Variants in NEK4 observed in about 807,000 individuals in gnomAD.
NEK4 encodes serine/threonine-protein kinase Nek4.
NEK4 carries 86 observed loss-of-function variants against 98.4 expected under a neutral mutation model. The ratio of observed to expected loss-of-function variants is 0.87; its 90% confidence interval spans 0.73 to 1.05. The LOEUF (loss-of-function observed/expected upper bound fraction) is 1.05. Among genes scored for constraint, NEK4 ranks in the 50% least tolerant of loss-of-function variants. NEK4 has a pLI of 0.00. For synonymous variants in NEK4, 328 were observed against 342.2 expected, an observed-to-expected ratio of 0.96 and a Z score of 0.46; for missense variants, 898 against 950.3, an observed-to-expected ratio of 0.94 and a Z score of 0.72.
intron 13 of NEK4, among the ~76,000 whole-genome samples, chr3:52,741,031 G>A (rs1445653527): frequency 1.3e-5 from 2 of 151,616 alleles, no homozygotes; most frequent in Non-Finnish European, 2.9e-5. Context: ...TCAGGAGATC[G>A]AGACCATCCT....
At position 52,770,660 on chromosome 3, in the gene NEK4, G is replaced by C. The variant is rs755365648; in HGVS notation, c.87C>G (p.Gly29=). ...GGGCCCCACCCCTGCAGACCTGCTT[G>C]CCGTCCCGCCGGTGCTTCACAAGCG... ...EVTLVKHRRD[G]KQYVIKKLNL... The change falls in exon 1 of 16, where the codon GGC becomes GGG. Residue 29 remains glycine (G), a synonymous_variant. Transcript: ENST00000233027. 4 of 1,504,296 alleles carry C rather than the reference G, an allele frequency of 2.7e-6. No homozygotes were observed. In the African/African-American group the frequency reaches 4.2e-5, roughly 16 times the overall value. The allele number at this position is 1,504,296 out of a possible 1,614,324, so 93.2% of individuals were successfully genotyped here.
rs763964730 is a variant in NEK4, at chr3:52,746,168, C to CA, written c.1719dup (p.Val574CysfsTer14). On this transcript the variant is annotated frameshift_variant, in exon 10 of 16. Coordinates refer to ENST00000233027, the MANE Select transcript of NEK4 (RefSeq NM_003157.6). LOFTEE classifies it high-confidence loss of function. ...GTTGATGTGACATCCACTTTCCCAA[C>CA]AATGGGATGAGAAGGCAAAAATCGA... 5 of 1,613,964 alleles carry CA rather than the reference C, an allele frequency of 3.1e-6. No homozygotes were observed. The highest frequency in any genetic ancestry group is 4.2e-6 in the Non-Finnish European group (5 of 1,179,918).
At chr3:52,761,208 A>T (rs2268025) in intron 5 of NEK4, among the ~76,000 whole-genome samples, 51,523 of 152,140 alleles carry the variant, frequency 0.34, 9,732 homozygotes, top group Admixed American at 0.46. Flanking sequence ...GGAACAGAAA[A>T]GAGACATTAG....
At chr3:52,737,471 A>C in intron 15 of NEK4, 115 bp downstream of exon 15, 6 of 1,104,152 alleles carry the variant, frequency 5.4e-6, no homozygotes, top group Non-Finnish European at 8.0e-6. Flanking sequence ...CACATTAAAA[A>C]CCACTGAATT....
intron 15 of NEK4, among the ~76,000 whole-genome samples, chr3:52,727,590 A>G (rs2097365721): frequency 6.6e-6 from 1 of 152,198 alleles, no homozygotes; most frequent in South Asian, 2.1e-4. Context: ...ATTCCGCCTC[A>G]GCCTCTTGAG....
chr3:52,739,455 T>A lies in NEK4; in HGVS notation c.2273A>T (p.Glu758Val). 6.2e-7 allele frequency: 1 copy of A among 1,614,132 alleles called. No homozygotes were observed. Among genetic ancestry groups the A allele is most frequent in the Non-Finnish European group, 8.5e-7 (1 of 1,179,994 alleles). Residue 758 changes from glutamate to valine, a missense_variant, in exon 14 of 16, where the codon GAA becomes GTA. Physicochemically the swap from Glu to Val is moderately radical, Grantham distance 121 (BLOSUM62 -2). Coordinates refer to ENST00000233027, the MANE Select transcript of NEK4 (RefSeq NM_003157.6). ...TGAAGGTAGCTCTTTAAAATGGATT[T>A]CCTCTGCCTCTTCTGCAACCTTCCC... ...LHGKVAEEAE[E>V]IHFKELPSAI... is the part of the protein sequence containing the mutation.
chr3:52,759,599 G>A (rs774964701), intron 6 of NEK4, among the ~76,000 whole-genome samples: 2 of 152,140 alleles, frequency 1.3e-5, no homozygotes, highest in Non-Finnish European at 2.9e-5. Context: ...CAAAGATGTG[G>A]AGAAACTGGA....
intron 15 of NEK4, among the ~76,000 whole-genome samples, chr3:52,720,377 T>TA (rs756456344): frequency 6.6e-6 from 1 of 152,128 alleles, no homozygotes; most frequent in Non-Finnish European, 1.5e-5. Flanking sequence ...AATGCCTGAA[T>TA]ACTTTACAAA....
rs770689317 is a variant in NEK4, at chr3:52,739,501, G to A, written c.2227C>T (p.Arg743Trp). ...TTCCCATGAAGTATCAGTGTGTCCC[G>A]ATATTTCCGATGAAGTTTGAATTCT... ...VSEFKLHRKY[R>W]DTLILHGKVA... The change falls in exon 14 of 16, where the codon CGG becomes TGG. Residue 743 changes from arginine (R) to tryptophan (W), a missense_variant. Arg to Trp is a moderately radical substitution (Grantham distance 101, BLOSUM62 -3). Transcript: ENST00000233027. The A allele has an allele frequency of 5.6e-6, 9 of 1,613,962 alleles. No individual in the cohort carries two copies. The highest frequency in any genetic ancestry group is 4.0e-5 in the African/African-American group (3 of 74,896).
At chr3:52,770,368 A>T (rs1698731619) in intron 1 of NEK4, among the ~76,000 whole-genome samples, 1 of 141,638 alleles carries the variant, frequency 7.1e-6, no homozygotes, top group South Asian at 2.3e-4. Context: ...TTAGTACAAC[A>T]AAGAAGTAGA....
chr3:52,733,727 C>T (rs924990786), intron 15 of NEK4: 1 of 444,370 alleles, frequency 2.3e-6, no homozygotes, highest in Non-Finnish European at 4.5e-6. Context: ...CAAGTTATAC[C>T]TAATCAACCA....
chr3:52,734,295 C>A (rs866400164), intron 15 of NEK4, among the ~76,000 whole-genome samples: 1 of 151,952 alleles, frequency 6.6e-6, no homozygotes, highest in African/African-American at 2.4e-5. Context: ...ACTAAATATA[C>A]AACAATTAGC....
At position 52,737,548 on chromosome 3, in the gene NEK4, T is replaced by C. The variant is rs200274425; in HGVS notation, c.2433+38A>G. The C allele has an allele frequency of 1.9e-4, 306 of 1,606,870 alleles. No homozygotes were observed. The African/African-American group carries it at 3.5e-3, about 18-fold the overall frequency. On this transcript the variant is annotated intron_variant, in intron 15 of 15. Transcript: ENST00000233027. ...TCAAAAGGTTGTTTAAAAAATTCTA[T>C]AACATAAGCATCTTGATACAGTTAA...
In NEK4 at chr3:52,752,900, C is replaced by CAAA. The variant is rs71087016; in HGVS notation, c.964-567_964-565dup. On this transcript the variant is annotated intron_variant, in intron 6 of 15. Coordinates refer to ENST00000233027, the MANE Select transcript of NEK4 (RefSeq NM_003157.6). ...GGGCAACAGGAGTGAAACCCTGCCT[C>CAAA]AAAAAAAAAAAAAAAAAATATATAT... is the stretch of plus-strand genomic sequence containing the variant. Among the ~76,000 whole-genome samples, 108 of 49,650 alleles carry CAAA rather than the reference C, an allele frequency of 2.2e-3. 2 individuals are homozygous for CAAA. Among genetic ancestry groups the CAAA allele is most frequent in the African/African-American group, 4.2e-3 (52 of 12,236 alleles). 32.6% of individuals were successfully genotyped at this position (49,650 alleles called of 152,430 possible).
intron 15 of NEK4, among the ~76,000 whole-genome samples, chr3:52,724,943 TTTG>T (rs2097363150): frequency 6.6e-6 from 1 of 152,228 alleles, no homozygotes; most frequent in African/African-American, 2.4e-5. Context: ...ACAATTATGA[TTTG>T]TTGATTAACA....
rs186161789 is a variant in NEK4, at chr3:52,722,208, G to A, written c.2434-10339C>T. Among the ~76,000 whole-genome samples, 3 of 152,278 alleles carry A rather than the reference G, an allele frequency of 2.0e-5. No homozygotes were observed. The East Asian group carries it at 5.8e-4, about 29-fold the overall frequency. On this transcript the variant is annotated intron_variant, in intron 15 of 15. Transcript: ENST00000233027. ...ACCACCCTCGCATCCCCTCTCTGCT[G>A]ATAGCTGTTTCATCACTCAATAAAA...
At position 52,709,813 on chromosome 3, in the gene NEK4, C is replaced by T. The variant is rs978625949; in HGVS notation, c.*1964G>A. On this transcript the variant is annotated 3_prime_UTR_variant, in exon 16 of 16. Transcript: ENST00000233027. ...AAGTAAAACTGATGACTCTCCAGAA[C>T]GATGTGGATTTCCAAAACATGCACG... 4.6e-5 allele frequency: 7 copies of T among 151,178 alleles called. No individual in the cohort carries two copies. The highest frequency in any genetic ancestry group is 8.8e-5 in the Non-Finnish European group (6 of 67,946). 9.4% of individuals were successfully genotyped at this position (151,178 alleles called of 1,614,324 possible).
intron 6 of NEK4, among the ~76,000 whole-genome samples, chr3:52,758,222 A>G (rs1317498038): frequency 2.7e-5 from 4 of 150,546 alleles, no homozygotes; most frequent in Non-Finnish European, 4.4e-5. Context: ...GTAGAATGGT[A>G]GAACAGTGGT....
chr3:52,751,548 G>C (rs533568118), intron 7 of NEK4, among the ~76,000 whole-genome samples: 2 of 152,030 alleles, frequency 1.3e-5, no homozygotes, highest in Admixed American at 1.3e-4. Flanking sequence ...TTGAACCCAG[G>C]AGGCAGAGGT....
Sources: allele counts gnomAD v4.1 joint callset (sites outside exome capture counted in the v4.1 genomes callset), GRCh38; gene constraint gnomAD v4.1.1; transcripts MANE v1.5; gene names NCBI Gene and HGNC (gene_info 2026-07-23, HGNC 2026-07-21).